STXBP5L: variants seen among roughly 807,000 people sequenced by gnomAD.
STXBP5L encodes syntaxin-binding protein 5-like.
In STXBP5L, 65 loss-of-function variants were observed where a neutral mutation model predicts 144.5. That is an observed-to-expected ratio of 0.45 (90% CI 0.37 to 0.55). STXBP5L has a LOEUF of 0.55. STXBP5L is among the 20% of genes least tolerant of loss of function. The pLI is 0.00. For missense variants in STXBP5L, 1,298 were observed against 1,405.5 expected, an observed-to-expected ratio of 0.92 and a Z score of 1.22; for synonymous variants, 505 against 469.6, an observed-to-expected ratio of 1.08 and a Z score of -0.97.
intron 18 of STXBP5L, among the ~76,000 whole-genome samples, chr3:121,279,256 C>T (rs964263257): frequency 6.6e-6 from 1 of 151,700 alleles, no homozygotes; most frequent in Non-Finnish European, 1.5e-5. Flanking sequence ...TTGAAAGGGG[C>T]ACAAAATAAA....
intron 20 of STXBP5L, among the ~76,000 whole-genome samples, chr3:121,350,015 T>C (rs1576250491): frequency 6.6e-6 from 1 of 152,126 alleles, no homozygotes; most frequent in Non-Finnish European, 1.5e-5. Flanking sequence ...TGTTAGCTGG[T>C]TATTTTGCTT....
At position 121,403,001 on chromosome 3, in the gene STXBP5L, C is replaced by T. The variant is rs750126704; in HGVS notation, c.2588-4242C>T. Reference sequence around the variant, plus strand: ...TGCCATCATGCCTGGCTAACAATTACGTATTTTCTCTAGTCTCTTTAAATC... The same window carrying T: ...TGCCATCATGCCTGGCTAACAATTATGTATTTTCTCTAGTCTCTTTAAATC... On this transcript the variant is annotated intron_variant, in intron 22 of 26. Coordinates refer to ENST00000471454, the MANE Select transcript of STXBP5L (RefSeq NM_001308330.2). Among the ~76,000 whole-genome samples, 11 of 152,104 alleles carry T rather than the reference C, an allele frequency of 7.2e-5. No homozygotes were observed. In the East Asian group the frequency reaches 1.2e-3, roughly 16 times the overall value.
Position 120,990,263 on chromosome 3 carries a change from C to T in STXBP5L, c.287+35226C>T, listed in dbSNP as rs980768447. On this transcript the variant is annotated intron_variant, in intron 3 of 26. Transcript: ENST00000471454. ...TCCAACTTACAAGGGACGTGAAGGA[C>T]CTCTTCAAGGAGAACTACAAACCAC... 4.6e-5 allele frequency among the ~76,000 whole-genome samples: 7 copies of T among 152,210 alleles called. No homozygotes were observed. In the East Asian group the frequency reaches 5.8e-4, roughly 13 times the overall value.
intron 22 of STXBP5L, among the ~76,000 whole-genome samples, chr3:121,404,677 G>T (rs902825942): frequency 6.6e-6 from 1 of 152,114 alleles, no homozygotes. Flanking sequence ...AGCTAATAAA[G>T]TTAGGTTGCC....
intron 3 of STXBP5L, among the ~76,000 whole-genome samples, chr3:121,020,225 C>G (rs1302779731): frequency 6.6e-6 from 1 of 151,234 alleles, no homozygotes. Context: ...CCAACAAAGA[C>G]AAAGAAAAAA....
At position 121,252,237 on chromosome 3, in the gene STXBP5L, G is replaced by A. The variant is rs193105745; in HGVS notation, c.1441+1474G>A. ...ATAAATTAGCTGGGTGTGGCAGCATGCGCCTGTGGTCCCAGCTACTCGGGA... is the reference window on the plus strand; with the variant it reads ...ATAAATTAGCTGGGTGTGGCAGCATACGCCTGTGGTCCCAGCTACTCGGGA... On this transcript the variant is annotated intron_variant, in intron 15 of 26. Transcript: ENST00000471454. Among the ~76,000 whole-genome samples the A allele has an allele frequency of 2.6e-3, 398 of 152,036 alleles. 4 individuals are homozygous for A. The highest frequency in any genetic ancestry group is 9.0e-3 in the African/African-American group (372 of 41,468).
intron 3 of STXBP5L, among the ~76,000 whole-genome samples, chr3:120,974,669 G>T (rs900304699): frequency 5.9e-5 from 9 of 152,102 alleles, no homozygotes; most frequent in Non-Finnish European, 1.3e-4. Flanking sequence ...GGTTTTTATG[G>T]TTTTAGGTCT....
At chr3:121,098,930 A>G (rs568712316) in intron 5 of STXBP5L, among the ~76,000 whole-genome samples, 1 of 152,290 alleles carries the variant, frequency 6.6e-6, no homozygotes, top group South Asian at 2.1e-4. Flanking sequence ...CATGGTCCCC[A>G]GCATCCTCCC....
At position 121,041,689 on chromosome 3, in the gene STXBP5L, TA is replaced by T. The variant is rs778251669; in HGVS notation, c.288-10del. The T allele has an allele frequency of 6.2e-6, 10 of 1,605,356 alleles. No homozygotes were observed. The highest frequency in any genetic ancestry group is 5.1e-6 in the Non-Finnish European group (6 of 1,172,694). On this transcript the variant is annotated splice_polypyrimidine_tract_variant and intron_variant, in intron 3 of 26. Transcript: ENST00000471454. ...TTAAAATGTTAGAATCCTTGACTTT[TA>T]TTATATTAGACTCGGGAGACCTGGT...
intron 5 of STXBP5L, among the ~76,000 whole-genome samples, chr3:121,078,251 T>C (rs2042104407): frequency 6.6e-6 from 1 of 151,620 alleles, no homozygotes; most frequent in African/African-American, 2.4e-5. Flanking sequence ...TACAATCCCC[T>C]AGCCAGACAT....
chr3:121,149,233 A>G (rs930667989), intron 7 of STXBP5L, among the ~76,000 whole-genome samples: 3 of 152,054 alleles, frequency 2.0e-5, no homozygotes, highest in Admixed American at 6.6e-5. Flanking sequence ...TACATTATAT[A>G]TATTTCAACA....
chr3:120,931,153 G>A (rs1709915030), intron 2 of STXBP5L, among the ~76,000 whole-genome samples: 1 of 151,624 alleles, frequency 6.6e-6, no homozygotes, highest in Non-Finnish European at 1.5e-5. Context: ...GCTTGTTACA[G>A]GATTTGAACT....
At chr3:121,227,022 A>G (rs2049143089) in intron 11 of STXBP5L, among the ~76,000 whole-genome samples, 1 of 152,178 alleles carries the variant, frequency 6.6e-6, no homozygotes, top group African/African-American at 2.4e-5. Flanking sequence ...AATGTTCCCA[A>G]TTGTATCCTG....
At chr3:121,207,351 A>G (rs2048376714) in intron 10 of STXBP5L, among the ~76,000 whole-genome samples, 1 of 152,208 alleles carries the variant, frequency 6.6e-6, no homozygotes, top group Non-Finnish European at 1.5e-5. Context: ...TTAAAGACTT[A>G]AATGTTAGAC....
At chr3:120,920,776 A>G (rs1559873730) in intron 2 of STXBP5L, among the ~76,000 whole-genome samples, 1 of 151,896 alleles carries the variant, frequency 6.6e-6, no homozygotes, top group Non-Finnish European at 1.5e-5. Flanking sequence ...TTCATTTAAC[A>G]TGACTTCTCA....
chr3:121,057,936 C>A (rs1296974747), intron 5 of STXBP5L, among the ~76,000 whole-genome samples: 1 of 151,768 alleles, frequency 6.6e-6, no homozygotes, highest in Non-Finnish European at 1.5e-5. Flanking sequence ...AGTAGCATAA[C>A]ACCTTGCTCT....
At chr3:121,343,854 C>G (rs1482439361) in intron 20 of STXBP5L, among the ~76,000 whole-genome samples, 1 of 152,098 alleles carries the variant, frequency 6.6e-6, no homozygotes, top group Non-Finnish European at 1.5e-5. Context: ...ATGCCATCCC[C>G]ATCAGGCTAC....
At chr3:121,202,466 T>A (rs2048175477) in intron 9 of STXBP5L, among the ~76,000 whole-genome samples, 1 of 152,218 alleles carries the variant, frequency 6.6e-6, no homozygotes, top group African/African-American at 2.4e-5. Context: ...TATGTCATTG[T>A]AATTATCTAC....
intron 9 of STXBP5L, among the ~76,000 whole-genome samples, chr3:121,160,499 C>G (rs2046283262): frequency 6.6e-6 from 1 of 152,076 alleles, no homozygotes; most frequent in South Asian, 2.1e-4. Flanking sequence ...TATAAGTAAT[C>G]TAGAGATGAT....
Sources: allele counts gnomAD v4.1 joint callset (sites outside exome capture counted in the v4.1 genomes callset), GRCh38; gene constraint gnomAD v4.1.1; transcripts MANE v1.5; gene names NCBI Gene and HGNC (gene_info 2026-07-23, HGNC 2026-07-21).